USP9X: variants seen among roughly 807,000 people sequenced by gnomAD.
The protein encoded by USP9X is ubiquitin specific peptidase 9 X-linked, also known as ubiquitin carboxyl-terminal hydrolase 9X.
USP9X carries 7 observed loss-of-function variants against 190.3 expected under a neutral mutation model. The observed-to-expected ratio is 0.04, with a 90% CI of 0.02 to 0.07. The LOEUF is 0.07. USP9X is among the 10% of genes least tolerant of loss of function. The probability of loss-of-function intolerance (pLI) is 1.00; values close to 1 mark genes in which losing one functional copy is unlikely to be tolerated. For missense variants in USP9X, 1,010 were observed against 1,916.9 expected (o/e 0.53, Z 8.83); for synonymous variants, 645 against 659.5 (o/e 0.98, Z 0.34).
chrX:41,141,533 A>G (rs908179512), intron 9 of USP9X, 102 bp downstream of exon 9: 11 of 844,124 alleles, frequency 1.3e-5, no homozygotes, highest in Non-Finnish European at 1.5e-5. Context: ...ATTTTAAAGT[A>G]AACTGAAATT....
chrX:41,109,949 A>C (rs993191863), intron 1 of USP9X, among the ~76,000 whole-genome samples: 2 of 111,890 alleles, frequency 1.8e-5, no homozygotes, highest in African/African-American at 6.5e-5. Flanking sequence ...TAACTTAGGG[A>C]TGTTTAGGTG....
intron 38 of USP9X, 125 bp downstream of exon 38, chrX:41,219,356 G>A: frequency 1.4e-6 from 1 of 696,479 alleles, no homozygotes; most frequent in Non-Finnish European, 2.0e-6. Context: ...AACCTGTTGT[G>A]AATTTTATCT....
intron 21 of USP9X, among the ~76,000 whole-genome samples, chrX:41,175,140 G>T (rs1465419931): frequency 9.0e-6 from 1 of 111,628 alleles, no homozygotes; most frequent in Non-Finnish European, 1.9e-5. Context: ...ATCTCGTTTG[G>T]CCAGTGGGAG....
In USP9X at chrX:41,235,063, TA is replaced by T. The variant is rs2063390924; in HGVS notation, c.*2543del. 1 of 111,677 alleles carries T rather than the reference TA, an allele frequency of 9.0e-6. No homozygotes were observed. Among genetic ancestry groups the T allele is most frequent in the African/African-American group, 3.3e-5 (1 of 30,640 alleles). 9.2% of individuals were successfully genotyped at this position (111,677 alleles called of 1,213,427 possible). A position where few individuals can be genotyped will look rare whatever the true frequency, so the allele number is the denominator to read the frequency against. On this transcript the variant is annotated 3_prime_UTR_variant, in exon 45 of 45. Transcript: ENST00000378308. Reference sequence around the variant, plus strand: ...CCTAGTTGAGAGAAAACTTGACATATAAAAGGCTGTGAATTTTTCTGCTTGG... The same window carrying T: ...CCTAGTTGAGAGAAAACTTGACATATAAAGGCTGTGAATTTTTCTGCTTGG...
intron 35 of USP9X, 143 bp from the exon 36 acceptor site, chrX:41,217,073 TAAAA>T (rs995135912): frequency 3.0e-6 from 2 of 656,196 alleles, no homozygotes; most frequent in Non-Finnish European, 4.3e-6. Flanking sequence ...AAAAATAAAA[TAAAA>T]AAATAAATGG....
At chrX:41,097,252 G>A (rs191223840) in intron 1 of USP9X, among the ~76,000 whole-genome samples, 1 of 112,197 alleles carries the variant, frequency 8.9e-6, no homozygotes, top group African/African-American at 3.2e-5. Context: ...AGCCTGCTAG[G>A]GGAAATAGTA....
intron 5 of USP9X, among the ~76,000 whole-genome samples, chrX:41,136,570 T>C (rs1172901667): frequency 1.8e-5 from 2 of 112,324 alleles, no homozygotes; most frequent in Non-Finnish European, 3.8e-5. Context: ...ATAGATATCT[T>C]ATGGTGCCTC....
In USP9X at chrX:41,197,352, C is replaced by CCCCCCCGGGG; in HGVS notation, c.4234-12_4234-11insCCCCCCGGGG. On this transcript the variant is annotated splice_polypyrimidine_tract_variant and intron_variant, in intron 28 of 44. Coordinates refer to ENST00000378308, the MANE Select transcript of USP9X (RefSeq NM_001039591.3). Reference sequence around the variant, plus strand: ...TTCTTCCCCCCCCCACCCCACCCCCCGCCTTTGGCAGGATGATGTTAAAAG... The same window carrying CCCCCCCGGGG: ...TTCTTCCCCCCCCCACCCCACCCCCCCCCCCCGGGGGCCTTTGGCAGGATGATGTTAAAAG... The CCCCCCCGGGG allele has an allele frequency of 2.0e-6, 2 of 988,204 alleles. No homozygotes were observed. The highest frequency in any genetic ancestry group is 2.6e-6 in the Non-Finnish European group (2 of 759,373). 81.4% of individuals were successfully genotyped at this position (988,204 alleles called of 1,213,427 possible). A position where few individuals can be genotyped will look rare whatever the true frequency, so the allele number is the denominator to read the frequency against.
intron 20 of USP9X, 68 bp from the exon 21 acceptor site, chrX:41,171,766 AACTT>A (rs2062728209): frequency 3.6e-6 from 4 of 1,124,680 alleles, no homozygotes; most frequent in Admixed American, 2.3e-5. Flanking sequence ...AACACAGAGA[AACTT>A]ACTTGGGCTT....
At chrX:41,157,089 C>T (rs770187378) in intron 14 of USP9X, among the ~76,000 whole-genome samples, 1 of 111,832 alleles carries the variant, frequency 8.9e-6, no homozygotes, top group East Asian at 2.8e-4. Flanking sequence ...CATGTCAATC[C>T]GTCAGCAAAG....
intron 1 of USP9X, among the ~76,000 whole-genome samples, chrX:41,115,046 AC>A (rs1480663148): frequency 9.3e-6 from 1 of 107,101 alleles, no homozygotes; most frequent in Non-Finnish European, 1.9e-5. Flanking sequence ...CATAGTGAAA[AC>A]CCATCTCTAC....
At chrX:41,227,385 TCAGATGAAACAG>T (rs1311731766) in intron 41 of USP9X, among the ~76,000 whole-genome samples, 1 of 112,094 alleles carries the variant, frequency 8.9e-6, no homozygotes. Flanking sequence ...ATGTAGTGTT[TCAGATGAAACAG>T]CAAGAGGGCC....
intron 2 of USP9X, among the ~76,000 whole-genome samples, chrX:41,127,417 C>T (rs915232327): frequency 9.0e-6 from 1 of 111,423 alleles, no homozygotes; most frequent in East Asian, 2.8e-4. Flanking sequence ...AAATAAATAT[C>T]GGTGGTGTTT....
intron 1 of USP9X, among the ~76,000 whole-genome samples, chrX:41,087,336 A>C (rs2061920801): frequency 9.0e-6 from 1 of 111,669 alleles, no homozygotes. Flanking sequence ...CAGGTACTTA[A>C]CCCTCTCGGA....
intron 32 of USP9X, among the ~76,000 whole-genome samples, chrX:41,208,130 T>C (rs2063122458): frequency 9.4e-6 from 1 of 106,465 alleles, no homozygotes; most frequent in Admixed American, 1.0e-4. Context: ...GCCCGCTGGG[T>C]TCAAGCAATT....
intron 6 of USP9X, among the ~76,000 whole-genome samples, chrX:41,138,687 C>T (rs954594948): frequency 4.5e-5 from 5 of 112,289 alleles, no homozygotes; most frequent in Non-Finnish European, 9.4e-5. Flanking sequence ...TAATCCCCAT[C>T]TTCCCCCAAG....
At chrX:41,114,907 AG>A (rs2062135954) in intron 1 of USP9X, among the ~76,000 whole-genome samples, 1 of 110,786 alleles carries the variant, frequency 9.0e-6, no homozygotes, top group African/African-American at 3.3e-5. Flanking sequence ...TGCTGTTAGT[AG>A]TTAAGTTTCT....
rs1388894128 is a variant in USP9X at position 41,187,525 on chromosome X, G to A, written c.3685-467G>A. Among the ~76,000 whole-genome samples, 5 of 112,815 alleles carry A rather than the reference G, an allele frequency of 4.4e-5. No homozygotes were observed. The Admixed American group carries it at 4.7e-4, about 11-fold the overall frequency. Reference sequence around the variant, plus strand: ...GTAAACATTGTGTACAAGTGTTTGTGTAGACATAAATTTTCATTTTTCTTG... The same window carrying A: ...GTAAACATTGTGTACAAGTGTTTGTATAGACATAAATTTTCATTTTTCTTG... On this transcript the variant is annotated intron_variant, in intron 24 of 44. Transcript: ENST00000378308.
intron 33 of USP9X, among the ~76,000 whole-genome samples, chrX:41,211,854 C>T (rs1381653260): frequency 1.7e-4 from 16 of 95,224 alleles, no homozygotes; most frequent in African/African-American, 4.8e-4. Context: ...GTCAGCCCCC[C>T]GCCCGGCCAG....
Sources: allele counts gnomAD v4.1 joint callset (sites outside exome capture counted in the v4.1 genomes callset), GRCh38; gene constraint gnomAD v4.1.1; transcripts MANE v1.5; gene names NCBI Gene and HGNC (gene_info 2026-07-23, HGNC 2026-07-21).